KDM7A: variants seen among roughly 807,000 people sequenced by gnomAD.
KDM7A encodes the protein lysine-specific demethylase 7A.
A neutral mutation model predicts 114.8 loss-of-function variants in KDM7A; 28 were observed. The ratio of observed to expected loss-of-function variants is 0.24; its 90% CI spans 0.18 to 0.33. KDM7A has a LOEUF of 0.33. Ranked by LOEUF, KDM7A falls within the 10% of genes least tolerant of loss-of-function variation. KDM7A has a pLI of 1.00. For missense variants in KDM7A, 942 were observed against 1,142.5 expected, an observed-to-expected ratio of 0.82 and a Z score of 2.53; for synonymous variants, 423 against 397.8, an observed-to-expected ratio of 1.06 and a Z score of -0.75.
At chr7:140,125,405 G>T (rs1272577436) in intron 6 of KDM7A, among the ~76,000 whole-genome samples, 1 of 152,200 alleles carries the variant, frequency 6.6e-6, no homozygotes, top group Admixed American at 6.5e-5. Context: ...GCCACATGTG[G>T]CTACTGAGCA....
chr7:140,127,058 T>C (rs1818717167), intron 5 of KDM7A, among the ~76,000 whole-genome samples: 1 of 152,214 alleles, frequency 6.6e-6, no homozygotes, highest in African/African-American at 2.4e-5. Context: ...CCTGCCGGGT[T>C]CGAGAGATCT....
chr7:140,158,365 T>C (rs547558909), intron 1 of KDM7A, among the ~76,000 whole-genome samples: 1 of 152,304 alleles, frequency 6.6e-6, no homozygotes, highest in East Asian at 1.9e-4. Context: ...AGTGAGATTC[T>C]GAAGGTAAGC....
At chr7:140,098,639 T>C (rs1818154253) in intron 14 of KDM7A, among the ~76,000 whole-genome samples, 1 of 152,134 alleles carries the variant, frequency 6.6e-6, no homozygotes, top group Admixed American at 6.5e-5. Flanking sequence ...ACTAGATGAG[T>C]GCAGCTCTAA....
intron 9 of KDM7A, among the ~76,000 whole-genome samples, chr7:140,118,582 T>TA (rs888454635): frequency 1.4e-5 from 2 of 145,886 alleles, no homozygotes; most frequent in Admixed American, 6.9e-5. Flanking sequence ...ATTTTTGTAT[T>TA]TTTTTTTTTT....
intron 1 of KDM7A, among the ~76,000 whole-genome samples, chr7:140,172,443 G>A (rs1431926746): frequency 5.9e-5 from 9 of 152,104 alleles, no homozygotes; most frequent in Non-Finnish European, 1.0e-4. Context: ...CACGAGGTCA[G>A]GAGATCGAGA....
intron 1 of KDM7A, among the ~76,000 whole-genome samples, chr7:140,150,879 A>G (rs1341455080): frequency 7.2e-6 from 1 of 138,176 alleles, no homozygotes; most frequent in African/African-American, 2.8e-5. Context: ...CCCAGGCTGG[A>G]GTGCAATGGC....
At chr7:140,174,696 G>A (rs1266495215) in intron 1 of KDM7A, among the ~76,000 whole-genome samples, 1 of 152,148 alleles carries the variant, frequency 6.6e-6, no homozygotes. Context: ...CGCTTCCCGG[G>A]TTCAAAAGAT....
Position 140,094,046 on chromosome 7 carries a change from T to C in KDM7A, c.2457+10A>G, listed in dbSNP as rs1412958706. ...AAATCTCCTTTTAACGTTTCAAACT[T>C]TGAATATACCTGAGGATGAAATCTG... On this transcript the variant is annotated intron_variant, in intron 18 of 19. Coordinates refer to ENST00000397560, the MANE Select transcript of KDM7A (RefSeq NM_030647.2). 2.0e-6 allele frequency: 3 copies of C among 1,500,962 alleles called. No homozygotes were observed. In the African/African-American group the frequency reaches 4.1e-5, roughly 21 times the overall value. 93.0% of individuals were successfully genotyped at this position (1,500,962 alleles called of 1,614,324 possible). A position where few individuals can be genotyped will look rare whatever the true frequency, so the allele number is the denominator to read the frequency against.
At chr7:140,100,677 T>TAC (rs1297071752) in intron 12 of KDM7A, among the ~76,000 whole-genome samples, 1,179 of 41,218 alleles carry the variant, frequency 0.029, 29 homozygotes, top group Admixed American at 0.034. Flanking sequence ...TATATATATA[T>TAC]ATACATATAT....
At chr7:140,114,176 CCCCCTT>C (rs1199425446) in intron 9 of KDM7A, among the ~76,000 whole-genome samples, 1 of 152,076 alleles carries the variant, frequency 6.6e-6, no homozygotes, top group Non-Finnish European at 1.5e-5. Context: ...AAACGCCCCT[CCCCCTT>C]CCCCTCCCCT....
rs1794430142 is a variant in KDM7A, at chr7:140,153,983, C to A, written c.195-14793G>T. Among the ~76,000 whole-genome samples, 4 of 152,292 alleles carry A rather than the reference C, an allele frequency of 2.6e-5. No individual in the cohort carries two copies. In the South Asian group the frequency reaches 6.2e-4, roughly 24 times the overall value. Reference sequence around the variant, plus strand: ...TCCTGTCTGCGTGTAAACTGAAGAACAGACGCGTGCCTGTTATTTTTGCAG... The same window carrying A: ...TCCTGTCTGCGTGTAAACTGAAGAAAAGACGCGTGCCTGTTATTTTTGCAG... On this transcript the variant is annotated intron_variant, in intron 1 of 19. Transcript: ENST00000397560.
chr7:140,113,520 T>A lies in KDM7A; in HGVS notation c.1309A>T (p.Thr437Ser). The change falls in exon 10 of 20, where the codon ACT becomes TCT. Residue 437 changes from threonine (T) to serine (S), a missense_variant. This residue lies in a region of KDM7A where 318 missense variants were observed against 453.1 expected (regional missense o/e 0.70). Coordinates refer to ENST00000397560, the MANE Select transcript of KDM7A (RefSeq NM_030647.2). Reference sequence around the variant, plus strand: ...TTTTTCATCCATAATTTTAAAGCAGTATGCAGTGCTTTCACTCCCTGTACT... The same window carrying A: ...TTTTTCATCCATAATTTTAAAGCAGAATGCAGTGCTTTCACTCCCTGTACT... ...YLVQGVKALHTALKLWMKKEL... is the reference protein window; with the variant it reads ...YLVQGVKALHSALKLWMKKEL... 1 of 1,600,972 alleles carries A rather than the reference T, an allele frequency of 6.2e-7. No homozygotes were observed. The highest frequency in any genetic ancestry group is 8.5e-7 in the Non-Finnish European group (1 of 1,170,024).
intron 3 of KDM7A, among the ~76,000 whole-genome samples, chr7:140,130,838 G>A (rs1378850750): frequency 7.0e-6 from 1 of 142,914 alleles, no homozygotes; most frequent in African/African-American, 2.6e-5. Flanking sequence ...GTTACAACCA[G>A]TATTTAATAA....
rs1431220505 is a variant in KDM7A, at chr7:140,176,687, CGGCGGTTGGTCGGTGGCCGGCGGT to C, written c.194+33_194+56del. On this transcript the variant is annotated intron_variant, in intron 1 of 19. Transcript: ENST00000397560. The surrounding 1 kb of genome is among the most constrained non-coding windows in gnomAD (Gnocchi z 4.4). ...GGGAGGCGCGGGCGGCCGGCGGCGG[CGGCGGTTGGTCGGTGGCCGGCGGT>C]GGCGGCTGCGGGGCTGGAGGGGGTT... 1.8e-5 allele frequency: 20 copies of C among 1,092,986 alleles called. No individual in the cohort carries two copies. Among genetic ancestry groups the C allele is most frequent in the Admixed American group, 9.6e-5 (2 of 20,892 alleles). 67.7% of individuals were successfully genotyped at this position (1,092,986 alleles called of 1,614,324 possible). A position where few individuals can be genotyped will look rare whatever the true frequency, so the allele number is the denominator to read the frequency against.
Position 140,087,327 on chromosome 7 carries a change from G to A in KDM7A, c.*3767C>T, listed in dbSNP as rs375010477. 1 of 152,264 alleles carries A rather than the reference G, an allele frequency of 6.6e-6. No individual in the cohort carries two copies. The highest frequency in any genetic ancestry group is 2.1e-4 in the South Asian group (1 of 4,828). 9.4% of individuals were successfully genotyped at this position (152,264 alleles called of 1,614,324 possible). A position where few individuals can be genotyped will look rare whatever the true frequency, so the allele number is the denominator to read the frequency against. ...TCAGTTAAATCATCTTAACGTACTTGAGGATACACATTCTCACTCTCTTAT... is the reference window on the plus strand; with the variant it reads ...TCAGTTAAATCATCTTAACGTACTTAAGGATACACATTCTCACTCTCTTAT... On this transcript the variant is annotated 3_prime_UTR_variant, in exon 20 of 20. Transcript: ENST00000397560.
intron 1 of KDM7A, among the ~76,000 whole-genome samples, chr7:140,148,359 G>A (rs748607902): frequency 6.6e-6 from 1 of 151,942 alleles, no homozygotes; most frequent in Non-Finnish European, 1.5e-5. Flanking sequence ...GTATGACTTC[G>A]GGTAACTTAC....
At position 140,176,733 on chromosome 7, in the gene KDM7A, G is replaced by A. The variant is rs763251919; in HGVS notation, c.194+11C>T. 3.0e-6 allele frequency: 4 copies of A among 1,319,234 alleles called. No individual in the cohort carries two copies. The highest frequency in any genetic ancestry group is 1.5e-5 in the African/African-American group (1 of 64,684). The allele number at this position is 1,319,234 out of a possible 1,614,324, so 81.7% of individuals were successfully genotyped here. A position where few individuals can be genotyped will look rare whatever the true frequency, so the allele number is the denominator to read the frequency against. On this transcript the variant is annotated intron_variant, in intron 1 of 19. Coordinates refer to ENST00000397560, the MANE Select transcript of KDM7A (RefSeq NM_030647.2). The surrounding 1 kb of genome is among the most constrained non-coding windows in gnomAD (Gnocchi z 4.4). The stretch of plus-strand genomic sequence containing the variant: ...CGGTGGCGGCTGCGGGGCTGGAGGG[G>A]GTTTATTTACCTGCCGTGGAACCAG...
At chr7:140,106,804 C>T (rs574191433) in intron 11 of KDM7A, among the ~76,000 whole-genome samples, 64 of 152,216 alleles carry the variant, frequency 4.2e-4, no homozygotes, top group South Asian at 1.7e-3. Context: ...CTATCAGGTC[C>T]ACTTGGTGCA....
chr7:140,163,185 G>A lies in KDM7A; in HGVS notation c.194+13559C>T, dbSNP rs138286307. On this transcript the variant is annotated intron_variant, in intron 1 of 19. Coordinates refer to ENST00000397560, the MANE Select transcript of KDM7A (RefSeq NM_030647.2). ...AATTTTTTGTATTTTTAGTAGAGACGGGGTTTCACCGTGTTAGCCAGAATG... is the reference window on the plus strand; with the variant it reads ...AATTTTTTGTATTTTTAGTAGAGACAGGGTTTCACCGTGTTAGCCAGAATG... Among the ~76,000 whole-genome samples the A allele has an allele frequency of 7.2e-5, 11 of 152,040 alleles. No individual in the cohort carries two copies. The East Asian group carries it at 2.1e-3, about 29-fold the overall frequency.
Sources: gnomAD v4.1 joint callset for allele counts (sites outside exome capture counted in the v4.1 genomes callset) on GRCh38, gnomAD v4.1.1 for gene constraint, gnomAD v4.1.1 regional missense constraint, Gnocchi (gnomAD v3.1) non-coding constraint, MANE v1.5 for transcripts, NCBI Gene and HGNC (gene_info 2026-07-23, HGNC 2026-07-21) for gene names.